Variants in GFRA2 observed in about 807,000 individuals in gnomAD.
The protein encoded by GFRA2 is GDNF family receptor alpha 2.
A neutral mutation model predicts 48.3 loss-of-function variants in GFRA2; 17 were observed. That is an observed-to-expected ratio of 0.35 (90% confidence interval 0.24 to 0.53). GFRA2 has a LOEUF of 0.53. GFRA2 is among the 20% of genes least tolerant of loss of function. GFRA2 has a pLI of 0.93. For synonymous variants in GFRA2, 305 were observed against 257.2 expected (o/e 1.19, Z -1.78); for missense variants, 660 against 637.3 (o/e 1.04, Z -0.38).
At chr8:21,734,533 AT>A (rs113755755) in intron 4 of GFRA2, among the ~76,000 whole-genome samples, 14,922 of 152,256 alleles carry the variant, frequency 0.098, 881 homozygotes, top group Middle Eastern at 0.18. Context: ...TTCTGGACAG[AT>A]TTGATTCTGT....
intron 4 of GFRA2, among the ~76,000 whole-genome samples, chr8:21,719,607 T>C (rs1803498305): frequency 1.3e-5 from 2 of 152,252 alleles, no homozygotes; most frequent in South Asian, 2.1e-4. Context: ...ATGAAGGCTC[T>C]CTATTTAATT....
At chr8:21,737,038 G>T (rs1410860787) in intron 4 of GFRA2, among the ~76,000 whole-genome samples, 3 of 151,928 alleles carry the variant, frequency 2.0e-5, no homozygotes, top group Non-Finnish European at 4.4e-5. Flanking sequence ...ACCTAAAAGA[G>T]CCCCCTTCCC....
chr8:21,744,704 A>G (rs960577893), intron 4 of GFRA2, among the ~76,000 whole-genome samples: 1 of 152,176 alleles, frequency 6.6e-6, no homozygotes, highest in Non-Finnish European at 1.5e-5. Flanking sequence ...GCCAAATGCC[A>G]TGGATGCATT....
chr8:21,745,281 C>T (rs1315718777), intron 4 of GFRA2, among the ~76,000 whole-genome samples: 2 of 152,146 alleles, frequency 1.3e-5, no homozygotes. Context: ...TGCAGGAGGC[C>T]TGGGCATCTC....
Position 21,763,440 on chromosome 8 carries a change from T to TCACAC in GFRA2, c.439+11527_439+11531dup, listed in dbSNP as rs1806005951. ...CCATTCCCCTCTCTCAGGAATGACC[T>TCACAC]CACACCTGGCTCACCATCTCCGGTT... On this transcript the variant is annotated intron_variant, in intron 3 of 8. Coordinates refer to ENST00000524240, the MANE Select transcript of GFRA2 (RefSeq NM_001495.5). 2.6e-5 allele frequency among the ~76,000 whole-genome samples: 4 copies of TCACAC among 152,116 alleles called. No homozygotes were observed. In the South Asian group the frequency reaches 8.3e-4, roughly 32 times the overall value.
intron 3 of GFRA2, among the ~76,000 whole-genome samples, chr8:21,768,628 G>A (rs923246207): frequency 6.6e-6 from 1 of 152,144 alleles, no homozygotes; most frequent in East Asian, 1.9e-4. Context: ...GGCTTCCCTA[G>A]ACACCGGCCG....
chr8:21,767,188 T>A (rs1220542939), intron 3 of GFRA2, among the ~76,000 whole-genome samples: 1 of 136,326 alleles, frequency 7.3e-6, no homozygotes, highest in African/African-American at 2.8e-5. Flanking sequence ...CACCCACACA[T>A]CACCGCCTAC....
intron 3 of GFRA2, among the ~76,000 whole-genome samples, chr8:21,774,573 T>C (rs1336354020): frequency 1.3e-5 from 2 of 152,310 alleles, no homozygotes; most frequent in African/African-American, 4.8e-5. Context: ...ATGAGGTCGG[T>C]ACGGTACTCC....
At chr8:21,748,031 A>T (rs907031073) in intron 4 of GFRA2, among the ~76,000 whole-genome samples, 1 of 151,992 alleles carries the variant, frequency 6.6e-6, no homozygotes, top group Non-Finnish European at 1.5e-5. Flanking sequence ...TCACTTAAAC[A>T]CTGAGGATGC....
rs956681486 is a variant in GFRA2, at chr8:21,788,302, G to A, written c.-143C>T. 5.1e-6 allele frequency: 7 copies of A among 1,380,172 alleles called. No homozygotes were observed. In the African/African-American group the frequency reaches 9.0e-5, roughly 18 times the overall value. The allele number at this position is 1,380,172 out of a possible 1,614,324, so 85.5% of individuals were successfully genotyped here. A position where few individuals can be genotyped will look rare whatever the true frequency, so the allele number is the denominator to read the frequency against. On this transcript the variant is annotated 5_prime_UTR_variant, in exon 1 of 9. Transcript: ENST00000524240. ...GATCCCAGCTAGTCCACCCGATGAAGATCCCGAGTCCTGCGATTCTCGCCT... is the reference window on the plus strand; with the variant it reads ...GATCCCAGCTAGTCCACCCGATGAAAATCCCGAGTCCTGCGATTCTCGCCT...
chr8:21,790,157 G>A (rs1444278931), upstream of GFRA2: 3 of 935,498 alleles, frequency 3.2e-6, no homozygotes, highest in Non-Finnish European at 3.8e-6. Flanking sequence ...GAGGAGAGGT[G>A]CGGCTGCGGT....
chr8:21,784,563 C>A (rs1289894661), intron 1 of GFRA2, among the ~76,000 whole-genome samples: 1 of 152,144 alleles, frequency 6.6e-6, no homozygotes, highest in Non-Finnish European at 1.5e-5. Context: ...CCTTCGCTCC[C>A]GAGAGCCCCC....
At chr8:21,792,432 T>TCTGCCATGGGACA (rs1807588984), upstream of GFRA2, among the ~76,000 whole-genome samples, 2 of 152,230 alleles carry the variant, frequency 1.3e-5, no homozygotes, top group Admixed American at 1.3e-4. Context: ...GGACAGAGCC[T>TCTGCCATGGGACA]GATCCAGGGC....
intron 4 of GFRA2, among the ~76,000 whole-genome samples, chr8:21,739,645 G>A (rs2117541802): frequency 6.6e-6 from 1 of 152,216 alleles, no homozygotes; most frequent in East Asian, 1.9e-4. Context: ...AAGAAGGAGA[G>A]CAGGGCTGCC....
chr8:21,788,933 G>A (rs1807424542), upstream of GFRA2: 1 of 400,800 alleles, frequency 2.5e-6, no homozygotes, highest in Non-Finnish European at 3.4e-6. Context: ...CCCTCCGCCC[G>A]CCCCCTTCTC....
intron 2 of GFRA2, among the ~76,000 whole-genome samples, chr8:21,794,920 T>G (rs1363515047): frequency 6.6e-6 from 1 of 152,250 alleles, no homozygotes; most frequent in African/African-American, 2.4e-5. Flanking sequence ...AAATGCATAC[T>G]GCACTCAGGG....
At chr8:21,708,342 C>T (rs979351548) in intron 4 of GFRA2, among the ~76,000 whole-genome samples, 2 of 152,172 alleles carry the variant, frequency 1.3e-5, no homozygotes, top group Non-Finnish European at 2.9e-5. Flanking sequence ...CACATCCATC[C>T]CCCTCCGCAG....
chr8:21,702,781 C>G lies in GFRA2; in HGVS notation c.1218+24G>C, dbSNP rs149965588. 4.6e-4 allele frequency: 722 copies of G among 1,565,410 alleles called. 4 individuals carry two copies. In the African/African-American group the frequency reaches 9.0e-3, roughly 20 times the overall value. On this transcript the variant is annotated intron_variant, in intron 7 of 8. Coordinates refer to ENST00000524240, the MANE Select transcript of GFRA2 (RefSeq NM_001495.5). ...ACTTCCGGTGCCATGGTGCTCCCCC[C>G]ACGCCTCAGCCACACACCCTCACCT...
chr8:21,716,913 AG>A (rs1272985978), intron 4 of GFRA2, among the ~76,000 whole-genome samples: 72 of 152,360 alleles, frequency 4.7e-4, no homozygotes, highest in Admixed American at 3.3e-3. Flanking sequence ...ATTCTCATTA[AG>A]AGAGTCCCCC....
Sources: allele counts gnomAD v4.1 joint callset (sites outside exome capture counted in the v4.1 genomes callset), GRCh38; gene constraint gnomAD v4.1.1; transcripts MANE v1.5; gene names NCBI Gene and HGNC (gene_info 2026-07-23, HGNC 2026-07-21).